VPS13D: variants seen among roughly 807,000 people sequenced by gnomAD.
VPS13D encodes vacuolar protein sorting 13 homolog D, also known as intermembrane lipid transfer protein VPS13D.
A neutral mutation model predicts 461.9 loss-of-function variants in VPS13D; 187 were observed. The observed-to-expected ratio is 0.40, with a 90% CI of 0.36 to 0.46. The LOEUF (loss-of-function observed/expected upper bound fraction) is 0.46, where lower values mean the gene tolerates loss of function less well. Ranked by LOEUF, VPS13D falls within the 20% of genes least tolerant of loss-of-function variation. VPS13D has a pLI of 0.60. For missense variants in VPS13D, 4,711 were observed against 5,364.9 expected (o/e 0.88, Z 3.81); for synonymous variants, 1,951 against 1,986.3 (o/e 0.98, Z 0.47).
intron 57 of VPS13D, among the ~76,000 whole-genome samples, chr1:12,381,877 G>A (rs907647060): frequency 4.6e-5 from 7 of 151,634 alleles, no homozygotes; most frequent in African/African-American, 1.7e-4. Context: ...AATTTAATTC[G>A]GCTGAAGTCA....
chr1:12,236,511 G>A (rs1640152206), intron 2 of VPS13D, among the ~76,000 whole-genome samples: 1 of 152,050 alleles, frequency 6.6e-6, no homozygotes, highest in Admixed American at 6.6e-5. Context: ...CTCCCAAGCA[G>A]CTGGGACCAC....
intron 2 of VPS13D, among the ~76,000 whole-genome samples, chr1:12,242,027 C>G (rs184516262): frequency 1.1e-3 from 173 of 151,986 alleles, no homozygotes; most frequent in African/African-American, 3.8e-3. Context: ...CCGGCCACAT[C>G]TGGCCTGCAG....
intron 42 of VPS13D, among the ~76,000 whole-genome samples, chr1:12,344,125 G>A (rs990158215): frequency 6.6e-5 from 10 of 152,172 alleles, no homozygotes; most frequent in African/African-American, 2.2e-4. Context: ...TTATTTACAA[G>A]TATTTTTCTA....
Position 12,369,582 on chromosome 1 carries a change from C to A in VPS13D, c.10688C>A (p.Thr3563Asn). 4 of 1,614,190 alleles carry A rather than the reference C, an allele frequency of 2.5e-6. No homozygotes were observed. The highest frequency in any genetic ancestry group is 3.4e-6 in the Non-Finnish European group (4 of 1,180,036). ...WDEPTLPPFI[T>N]LTVKGAGSSE... ...GAACCCACCTTGCCACCTTTTATCA[C>A]TCTGACTGTTAAAGGGGCAGGGTCC... is the stretch of plus-strand genomic sequence containing the variant. Residue 3563 changes from threonine to asparagine, a missense_variant, in exon 54 of 70, where the codon ACT becomes AAT. By Grantham distance (65) the Thr-to-Asn change is moderately conservative (BLOSUM62 0). Transcript: ENST00000620676.
chr1:12,385,822 G>A (rs1394219003), intron 59 of VPS13D, among the ~76,000 whole-genome samples: 1 of 152,238 alleles, frequency 6.6e-6, no homozygotes, highest in African/African-American at 2.4e-5. Context: ...AAAACACTGT[G>A]TTGGGTGCTA....
chr1:12,477,012 G>A (rs902380303), intron 67 of VPS13D, among the ~76,000 whole-genome samples: 1 of 152,234 alleles, frequency 6.6e-6, no homozygotes, highest in Non-Finnish European at 1.5e-5. Flanking sequence ...CAGACCACTG[G>A]CTTCACTGAA....
intron 32 of VPS13D, 44 bp downstream of exon 32, chr1:12,319,674 C>T (rs773773707): frequency 1.6e-5 from 26 of 1,611,676 alleles, no homozygotes; most frequent in African/African-American, 4.0e-5. Context: ...TGTTGGCTCA[C>T]GAGCAAAGCA....
rs774938609 is a variant in VPS13D at position 12,507,635 on chromosome 1, C to T, written c.13035+542C>T. ...AGGCTTTTAAATAATAAAGCTCCTG[C>T]GAATAGCTAACGTTCCTAGAGGGCT... On this transcript the variant is annotated intron_variant, in intron 69 of 69. Transcript: ENST00000620676. The surrounding 1 kb of genome is among the most constrained non-coding windows in gnomAD (Gnocchi z 5.3). Among the ~76,000 whole-genome samples, 7 of 152,200 alleles carry T rather than the reference C, an allele frequency of 4.6e-5. No individual in the cohort carries two copies. The highest frequency in any genetic ancestry group is 5.9e-5 in the Non-Finnish European group (4 of 68,042).
At chr1:12,375,883 A>T (rs1644192033) in intron 55 of VPS13D, among the ~76,000 whole-genome samples, 1 of 152,106 alleles carries the variant, frequency 6.6e-6, no homozygotes, top group Admixed American at 6.6e-5. Context: ...AGCCCCATGG[A>T]GTTCTGCCTT....
At chr1:12,242,638 TGA>T in intron 3 of VPS13D, 48 bp downstream of exon 3, 1 of 1,544,772 alleles carries the variant, frequency 6.5e-7, no homozygotes, top group Non-Finnish European at 8.9e-7. Context: ...TTAAATTGTT[TGA>T]GAGGTGAAAA....
chr1:12,494,039 G>T (rs1209156249), intron 67 of VPS13D, among the ~76,000 whole-genome samples: 1 of 152,190 alleles, frequency 6.6e-6, no homozygotes, highest in Non-Finnish European at 1.5e-5. Context: ...TGTAACAGAA[G>T]ATGTTTCCTT....
intron 67 of VPS13D, chr1:12,497,283 C>A: frequency 2.5e-6 from 1 of 401,250 alleles, no homozygotes; most frequent in South Asian, 4.2e-5. Context: ...TATCCATGAT[C>A]ACATGGCCAG....
intron 3 of VPS13D, among the ~76,000 whole-genome samples, chr1:12,243,476 T>G (rs1431872987): frequency 1.3e-5 from 2 of 152,122 alleles, no homozygotes; most frequent in Admixed American, 6.6e-5. Flanking sequence ...ACACGGTTGA[T>G]CATTTGATGT....
intron 5 of VPS13D, among the ~76,000 whole-genome samples, chr1:12,244,890 T>G (rs1640497991): frequency 2.6e-5 from 4 of 152,206 alleles, no homozygotes; most frequent in Admixed American, 2.0e-4. Context: ...CGCACTTTCT[T>G]TTTGAATGTT....
At chr1:12,469,812 A>C (rs547159393) in intron 67 of VPS13D, among the ~76,000 whole-genome samples, 5 of 152,352 alleles carry the variant, frequency 3.3e-5, no homozygotes, top group Admixed American at 1.3e-4. Context: ...TACCATCCCA[A>C]TAAATTTTAA....
At position 12,491,240 on chromosome 1, in the gene VPS13D, A is replaced by G. The variant is rs148278054; in HGVS notation, c.12663-6260A>G. ...TAAGGAAGATGGCAGCCATCAGTTG[A>G]ATAAACATTCTATGATGCTAACGTC... On this transcript the variant is annotated intron_variant, in intron 67 of 69. Coordinates refer to ENST00000620676, the MANE Select transcript of VPS13D (RefSeq NM_015378.4). Among the ~76,000 whole-genome samples, 676 of 152,340 alleles carry G rather than the reference A, an allele frequency of 4.4e-3. 5 individuals are homozygous for G. The highest frequency in any genetic ancestry group is 0.015 in the African/African-American group (606 of 41,576).
At position 12,321,892 on chromosome 1, in the gene VPS13D, G is replaced by A. The variant is rs1643047610; in HGVS notation, c.7632G>A (p.Gly2544=). 3 of 1,613,524 alleles carry A rather than the reference G, an allele frequency of 1.9e-6. No homozygotes were observed. Among genetic ancestry groups the A allele is most frequent in the African/African-American group, 2.7e-5 (2 of 74,868 alleles). The change falls in exon 33 of 70, where the codon GGG becomes GGA. Residue 2544 remains glycine (G), a synonymous_variant. Transcript: ENST00000620676. ...DPVQIQMELV[G]NSSYQNSSGL... Reference sequence around the variant, plus strand: ...TACAAATTCAAATGGAGTTGGTGGGGAATTCTTCTTATCAAAATAGTTCAG... The same window carrying A: ...TACAAATTCAAATGGAGTTGGTGGGAAATTCTTCTTATCAAAATAGTTCAG...
At chr1:12,258,273 T>G (rs1387212287) in intron 10 of VPS13D, among the ~76,000 whole-genome samples, 170 bp downstream of exon 10, 1 of 152,176 alleles carries the variant, frequency 6.6e-6, no homozygotes, top group African/African-American at 2.4e-5. Context: ...AGGAGCATCC[T>G]CCACCTTCTG....
At chr1:12,326,127 CT>C (rs1643176407) in intron 35 of VPS13D, among the ~76,000 whole-genome samples, 1 of 151,228 alleles carries the variant, frequency 6.6e-6, no homozygotes, top group Non-Finnish European at 1.5e-5. Flanking sequence ...ATTAACTTAC[CT>C]TTTGGATTCT....
Sources: allele counts gnomAD v4.1 joint callset (sites outside exome capture counted in the v4.1 genomes callset), GRCh38; gene constraint gnomAD v4.1.1; non-coding constraint Gnocchi (gnomAD v3.1); transcripts MANE v1.5; gene names NCBI Gene and HGNC (gene_info 2026-07-23, HGNC 2026-07-21).